Variants in SLC8A1 observed in about 807,000 individuals in gnomAD.
SLC8A1 encodes sodium/calcium exchanger 1.
A neutral mutation model predicts 68.3 loss-of-function variants in SLC8A1; 18 were observed. The observed-to-expected ratio is 0.26, with a 90% CI of 0.18 to 0.39. The LOEUF (loss-of-function observed/expected upper bound fraction) is 0.39. Ranked by LOEUF, SLC8A1 falls within the 10% of genes least tolerant of loss-of-function variation. The pLI, the probability that SLC8A1 is intolerant of heterozygous loss-of-function variation, is 1.00. For missense variants in SLC8A1, 985 were observed against 1,156.7 expected, an observed-to-expected ratio of 0.85 and a Z score of 2.15; for synonymous variants, 475 against 415.5, an observed-to-expected ratio of 1.14 and a Z score of -1.74.
chr2:40,266,521 C>CT (rs2065373258), intron 2 of SLC8A1, among the ~76,000 whole-genome samples: 2 of 152,162 alleles, frequency 1.3e-5, no homozygotes, highest in African/African-American at 4.8e-5. Context: ...CCCATTGCTT[C>CT]TGGACACTAG....
chr2:40,378,973 T>C (rs969781421), intron 2 of SLC8A1, among the ~76,000 whole-genome samples: 1 of 152,106 alleles, frequency 6.6e-6, no homozygotes, highest in East Asian at 1.9e-4. Flanking sequence ...ATGCACTATT[T>C]ATTTGTTCAC....
chr2:40,452,539 A>G (rs1186892800), upstream of SLC8A1, among the ~76,000 whole-genome samples: 2 of 151,692 alleles, frequency 1.3e-5, no homozygotes, highest in African/African-American at 4.8e-5. Context: ...CAGAACCCTG[A>G]CCCCCAATTC....
At chr2:40,279,341 C>T (rs1165590335) in intron 2 of SLC8A1, among the ~76,000 whole-genome samples, 1 of 152,166 alleles carries the variant, frequency 6.6e-6, no homozygotes, top group Non-Finnish European at 1.5e-5. Flanking sequence ...ATCTATAATA[C>T]AGATTTTTGA....
chr2:40,447,279 G>A (rs549826813), intron 1 of SLC8A1, among the ~76,000 whole-genome samples: 2 of 151,996 alleles, frequency 1.3e-5, no homozygotes, highest in African/African-American at 4.8e-5. Flanking sequence ...AAAATATTTT[G>A]CCCACTCCTC....
rs796672535 is a variant in SLC8A1, at chr2:40,237,117, C to T, written c.1809-59262G>A. Among the ~76,000 whole-genome samples, 393 of 151,662 alleles carry T rather than the reference C, an allele frequency of 2.6e-3. 1 individual carries two copies. Among genetic ancestry groups the T allele is most frequent in the Middle Eastern group, 6.8e-3 (2 of 292 alleles). ...CTCTTCTCGAGGAGTATCTTTGTGG[C>T]GTTCTCTGTATTTCCTGAATCTGAA... On this transcript the variant is annotated intron_variant, in intron 2 of 7. Coordinates refer to ENST00000406785, the Ensembl canonical transcript of SLC8A1.
intron 2 of SLC8A1, among the ~76,000 whole-genome samples, chr2:40,282,576 G>A (rs995455057): frequency 6.6e-6 from 1 of 152,110 alleles, no homozygotes; most frequent in Admixed American, 6.6e-5. Context: ...TTTCCTTTCC[G>A]TTAACTGCAA....
chr2:40,330,657 C>A, intron 2 of SLC8A1, among the ~76,000 whole-genome samples: 1 of 152,110 alleles, frequency 6.6e-6, no homozygotes, highest in Non-Finnish European at 1.5e-5. Flanking sequence ...AAATATACTA[C>A]TAGTTGCTTA....
intron 2 of SLC8A1, among the ~76,000 whole-genome samples, chr2:40,225,382 G>C (rs2058843788): frequency 6.6e-6 from 1 of 152,174 alleles, no homozygotes; most frequent in Admixed American, 6.6e-5. Context: ...TTGGCACACA[G>C]TGGGTACCCA....
intron 1 of SLC8A1, among the ~76,000 whole-genome samples, chr2:40,434,362 A>C (rs1222802575): frequency 6.6e-6 from 1 of 152,210 alleles, no homozygotes; most frequent in East Asian, 1.9e-4. Flanking sequence ...TTATTAAATT[A>C]ATACCAAATT....
At chr2:40,156,360 G>GCTTTTTTTTTT (rs2044488720) in intron 6 of SLC8A1, among the ~76,000 whole-genome samples, 1 of 140,772 alleles carries the variant, frequency 7.1e-6, no homozygotes, top group Non-Finnish European at 1.5e-5. Flanking sequence ...AACTGCTGGA[G>GCTTTTTTTTTT]TTTTTTTTTT....
At chr2:40,381,752 G>A (rs1169246978) in intron 2 of SLC8A1, among the ~76,000 whole-genome samples, 1 of 150,294 alleles carries the variant, frequency 6.7e-6, no homozygotes, top group East Asian at 2.0e-4. Flanking sequence ...ACCAACCATT[G>A]GGCCTCCTAG....
intron 2 of SLC8A1, among the ~76,000 whole-genome samples, chr2:40,273,832 G>A (rs1033835352): frequency 5.3e-5 from 8 of 151,484 alleles, no homozygotes; most frequent in Non-Finnish European, 1.2e-4. Flanking sequence ...GGAGAAGCAG[G>A]AACGAGGAAA....
chr2:40,258,314 A>T (rs2064221407), intron 2 of SLC8A1, among the ~76,000 whole-genome samples: 1 of 152,224 alleles, frequency 6.6e-6, no homozygotes. Flanking sequence ...GCATGCCAAG[A>T]GCAAGAACAA....
intron 2 of SLC8A1, among the ~76,000 whole-genome samples, chr2:40,227,874 T>G (rs762548443): frequency 6.6e-6 from 1 of 152,050 alleles, no homozygotes; most frequent in Non-Finnish European, 1.5e-5. Flanking sequence ...TGTTCCTGTA[T>G]CTTAGGAGAA....
In SLC8A1 at chr2:40,412,496, A is replaced by G. The variant is rs113644649; in HGVS notation, c.1808+15977T>C. On this transcript the variant is annotated intron_variant, in intron 2 of 7. Transcript: ENST00000406785. ...TGCCATAAATTTAACACTACCTTGGAGTGGGCATACGGTTTTAACTGAAAC... is the reference window on the plus strand; with the variant it reads ...TGCCATAAATTTAACACTACCTTGGGGTGGGCATACGGTTTTAACTGAAAC... 5.2e-3 allele frequency among the ~76,000 whole-genome samples: 796 copies of G among 152,274 alleles called. 9 individuals are homozygous for G. Among genetic ancestry groups the G allele is most frequent in the African/African-American group, 0.018 (747 of 41,568 alleles).
exon 8 of SLC8A1, chr2:40,103,966 G>A (rs926019423): frequency 3.9e-5 from 6 of 152,202 alleles, no homozygotes; most frequent in African/African-American, 1.4e-4. Context: ...TACGGGGCTT[G>A]ATGTGTTCTG....
chr2:40,230,975 CTT>C (rs1297816033), intron 2 of SLC8A1, among the ~76,000 whole-genome samples: 1 of 152,164 alleles, frequency 6.6e-6, no homozygotes, highest in Non-Finnish European at 1.5e-5. Flanking sequence ...AGTGTCCAGA[CTT>C]TATCATCAAA....
chr2:40,422,760 T>C (rs976096642), intron 2 of SLC8A1, among the ~76,000 whole-genome samples: 5 of 152,184 alleles, frequency 3.3e-5, no homozygotes. Flanking sequence ...AACAATATTT[T>C]ACTACAAATC....
intron 2 of SLC8A1, among the ~76,000 whole-genome samples, chr2:40,230,184 T>C (rs963296488): frequency 6.6e-6 from 1 of 152,196 alleles, no homozygotes; most frequent in African/African-American, 2.4e-5. Context: ...TAGGAAGGTC[T>C]CGCTAGTCCA....
Sources: allele counts gnomAD v4.1 joint callset (sites outside exome capture counted in the v4.1 genomes callset), GRCh38; gene constraint gnomAD v4.1.1; transcripts MANE v1.5; gene names NCBI Gene and HGNC (gene_info 2026-07-23, HGNC 2026-07-21).